The following GSE1 variants were observed in gnomAD, a reference collection of about 807,000 sequenced individuals.
GSE1 encodes Gse1 coiled-coil protein.
GSE1 carries 32 observed loss-of-function variants against 112.6 expected under a neutral mutation model. The observed-to-expected ratio is 0.28, with a 90% CI of 0.21 to 0.38. GSE1 has a LOEUF of 0.38. GSE1 is among the 10% of genes least tolerant of loss of function. GSE1 has a pLI of 1.00. For missense variants in GSE1, 2,348 were observed against 1,699.2 expected, an observed-to-expected ratio of 1.38 and a Z score of -6.71; for synonymous variants, 1,115 against 735.6, an observed-to-expected ratio of 1.52 and a Z score of -8.35.
At chr16:85,200,872 G>A (rs536748662) in intron 1 of GSE1, among the ~76,000 whole-genome samples, 1 of 152,136 alleles carries the variant, frequency 6.6e-6, no homozygotes. Flanking sequence ...AACTGTCCCC[G>A]GTAAACATGA....
intron 1 of GSE1, among the ~76,000 whole-genome samples, chr16:85,275,035 A>C (rs1435591260): frequency 6.6e-6 from 1 of 152,224 alleles, no homozygotes. Flanking sequence ...GCCTAGAGCC[A>C]GGAGTCTGTC....
At chr16:85,299,961 A>G (rs902834969) in intron 1 of GSE1, among the ~76,000 whole-genome samples, 3 of 151,270 alleles carry the variant, frequency 2.0e-5, no homozygotes, top group Non-Finnish European at 2.9e-5. Flanking sequence ...ACAACCCAAC[A>G]AAAAAAGCTT....
At chr16:85,458,614 C>T (rs929104462) in intron 2 of GSE1, among the ~76,000 whole-genome samples, 3 of 152,172 alleles carry the variant, frequency 2.0e-5, no homozygotes, top group South Asian at 2.1e-4. Context: ...TTCCACATTG[C>T]GGGTGGCTAT....
intron 2 of GSE1, among the ~76,000 whole-genome samples, chr16:85,646,241 T>G (rs143926632): frequency 0.024 from 3,667 of 151,646 alleles, 188 homozygotes; most frequent in African/African-American, 0.084. Context: ...GCATTCTACC[T>G]GCTTCTACCA....
chr16:85,534,552 T>C (rs1240566478), intron 2 of GSE1, among the ~76,000 whole-genome samples: 1 of 152,148 alleles, frequency 6.6e-6, no homozygotes, highest in Non-Finnish European at 1.5e-5. Context: ...GGCAACCACA[T>C]TTTCTTCCTT....
chr16:85,351,501 T>A (rs917471283), intron 1 of GSE1, among the ~76,000 whole-genome samples: 4 of 151,374 alleles, frequency 2.6e-5, no homozygotes, highest in Non-Finnish European at 4.4e-5. Context: ...AATGAGTGAT[T>A]GCAGGGCCTG....
At position 85,657,269 on chromosome 16, in the gene GSE1, C is replaced by A; in HGVS notation, c.1313-8C>A. The A allele has an allele frequency of 1.3e-6, 2 of 1,528,172 alleles. No individual in the cohort carries two copies. Among genetic ancestry groups the A allele is most frequent in the Non-Finnish European group, 1.8e-6 (2 of 1,135,462 alleles). 94.7% of individuals were successfully genotyped at this position (1,528,172 alleles called of 1,614,324 possible). A position where few individuals can be genotyped will look rare whatever the true frequency, so the allele number is the denominator to read the frequency against. On this transcript the variant is annotated splice_polypyrimidine_tract_variant and splice_region_variant and intron_variant, in intron 7 of 15. Transcript: ENST00000253458. The stretch of plus-strand genomic sequence containing the variant: ...TGAGATCCTGCTTGACCGTGTTTCC[C>A]CCCACAGAGAAGCTGAAGGATGCCG...
intron 2 of GSE1, among the ~76,000 whole-genome samples, chr16:85,495,303 G>A (rs1022222061): frequency 1.3e-5 from 2 of 152,064 alleles, no homozygotes; most frequent in African/African-American, 4.8e-5. Flanking sequence ...AGGGAGCACT[G>A]GAGTGGGAGT....
intron 10 of GSE1, 103 bp downstream of exon 10, chr16:85,663,196 C>T: frequency 1.6e-6 from 2 of 1,263,624 alleles, no homozygotes; most frequent in Non-Finnish European, 2.3e-6. Context: ...CTCCGAAGTC[C>T]TGGCGGGTTC....
intron 1 of GSE1, among the ~76,000 whole-genome samples, chr16:85,600,582 C>CACACA (rs2047419956): frequency 1.3e-5 from 2 of 149,374 alleles, no homozygotes; most frequent in African/African-American, 5.1e-5. Flanking sequence ...CACACACACA[C>CACACA]CCCAAACACA....
In GSE1 at chr16:85,514,977, A is replaced by G. The variant is rs561639847; in HGVS notation, c.2465-118937A>G. Reference sequence around the variant, plus strand: ...TGAGTGTGCATGTGAGCGTGCATGCATGTTTGTGTGTGTGTGCAGTTGTAC... The same window carrying G: ...TGAGTGTGCATGTGAGCGTGCATGCGTGTTTGTGTGTGTGTGCAGTTGTAC... On this transcript the variant is annotated intron_variant, in intron 2 of 2. Transcript: ENST00000637419. Among the ~76,000 whole-genome samples, 9 of 152,144 alleles carry G rather than the reference A, an allele frequency of 5.9e-5. No homozygotes were observed. In the South Asian group the frequency reaches 1.0e-3, roughly 18 times the overall value.
chr16:85,656,959 T>A (rs538730529), intron 7 of GSE1, among the ~76,000 whole-genome samples: 5 of 152,306 alleles, frequency 3.3e-5, no homozygotes, highest in African/African-American at 1.2e-4. Flanking sequence ...ACGAAACAAT[T>A]GTCCAGTAAT....
chr16:85,330,682 A>G (rs1567691896), intron 1 of GSE1, among the ~76,000 whole-genome samples: 1 of 152,192 alleles, frequency 6.6e-6, no homozygotes. Flanking sequence ...TTGTATGTTT[A>G]AAATGTTTCA....
At chr16:85,569,752 A>G (rs2045905104) in intron 1 of GSE1, among the ~76,000 whole-genome samples, 1 of 152,210 alleles carries the variant, frequency 6.6e-6, no homozygotes, top group South Asian at 2.1e-4. Context: ...CGAAGAGTTT[A>G]CTACACTGTG....
chr16:85,437,811 A>G (rs2151773691), intron 2 of GSE1, among the ~76,000 whole-genome samples: 1 of 152,312 alleles, frequency 6.6e-6, no homozygotes, highest in East Asian at 1.9e-4. Context: ...GGCTATGTTC[A>G]GTGGTTGGAC....
intron 1 of GSE1, among the ~76,000 whole-genome samples, chr16:85,174,826 C>A (rs2074427951): frequency 6.6e-6 from 1 of 152,196 alleles, no homozygotes; most frequent in Non-Finnish European, 1.5e-5. Flanking sequence ...TGTGAGCCCC[C>A]TGGGGAGGGA....
intron 2 of GSE1, among the ~76,000 whole-genome samples, chr16:85,381,894 C>T (rs1379105827): frequency 6.6e-6 from 1 of 152,360 alleles, no homozygotes; most frequent in African/African-American, 2.4e-5. Flanking sequence ...GCCTGACACC[C>T]GCCTGGGGGC....
At chr16:85,648,792 G>C in intron 3 of GSE1, 41 bp downstream of exon 3, 1 of 1,240,082 alleles carries the variant, frequency 8.1e-7, no homozygotes, top group Non-Finnish European at 1.1e-6. Flanking sequence ...CCTCTAAGTG[G>C]GGAGGCTGGA....
At chr16:85,196,623 C>G (rs543593183) in intron 1 of GSE1, among the ~76,000 whole-genome samples, 6 of 152,190 alleles carry the variant, frequency 3.9e-5, no homozygotes, top group African/African-American at 1.4e-4. Flanking sequence ...ATGGGTGGAA[C>G]ACAGACGTGC....
Sources: gnomAD v4.1 joint callset for allele counts (sites outside exome capture counted in the v4.1 genomes callset) on GRCh38, gnomAD v4.1.1 for gene constraint, MANE v1.5 for transcripts, NCBI Gene and HGNC (gene_info 2026-07-23, HGNC 2026-07-21) for gene names.